EIF2AK4: variants seen among roughly 807,000 people sequenced by gnomAD.
EIF2AK4 encodes the protein eukaryotic translation initiation factor 2 alpha kinase 4.
A neutral mutation model predicts 211.1 loss-of-function variants in EIF2AK4; 139 were observed. The observed-to-expected ratio is 0.66, with a 90% CI of 0.57 to 0.76. The LOEUF (loss-of-function observed/expected upper bound fraction) is 0.76. Among genes scored for constraint, EIF2AK4 ranks in the 30% least tolerant of loss-of-function variants. The pLI is 0.00. For synonymous variants in EIF2AK4, 710 were observed against 751.3 expected (o/e 0.94, Z 0.90); for missense variants, 1,664 against 2,043.8 (o/e 0.81, Z 3.58).
intron 1 of EIF2AK4, among the ~76,000 whole-genome samples, chr15:39,937,844 C>T (rs2140895132): frequency 6.6e-6 from 1 of 152,322 alleles, no homozygotes; most frequent in Non-Finnish European, 1.5e-5. Flanking sequence ...GTGTCTTCCA[C>T]TCATTTGAAA....
At position 39,943,395 on chromosome 15, in the gene EIF2AK4, A is replaced by G; in HGVS notation, c.270A>G (p.Ile90Met). ...TTGCCTTTTCCAGAGTTCCTGAAAT[A>G]GAGTTAAAAAATGCCAAAGGTCTAT... is the stretch of plus-strand genomic sequence containing the variant. ...PPTYPDVVPE[I>M]ELKNAKGLSN... Residue 90 changes from isoleucine (I) to methionine (M), a missense_variant, in exon 3 of 39, where the codon ATA becomes ATG. By Grantham distance (10) the Ile-to-Met change is conservative. This residue lies in a region of EIF2AK4 where 641 missense variants were observed against 729.6 expected (regional missense o/e 0.88). Coordinates refer to ENST00000263791, the MANE Select transcript of EIF2AK4 (RefSeq NM_001013703.4). The G allele has an allele frequency of 6.7e-7, 1 of 1,493,842 alleles. No homozygotes were observed. The highest frequency in any genetic ancestry group is 1.5e-5 in the African/African-American group (1 of 66,378). 92.5% of individuals were successfully genotyped at this position (1,493,842 alleles called of 1,614,324 possible).
intron 20 of EIF2AK4, among the ~76,000 whole-genome samples, chr15:40,000,501 A>G (rs1426676517): frequency 6.6e-6 from 1 of 152,228 alleles, no homozygotes; most frequent in African/African-American, 2.4e-5. Flanking sequence ...CAGTAACATA[A>G]ATCAAGAGAA....
At chr15:39,970,305 A>C (rs2034605635) in intron 9 of EIF2AK4, among the ~76,000 whole-genome samples, 1 of 152,208 alleles carries the variant, frequency 6.6e-6, no homozygotes, top group Non-Finnish European at 1.5e-5. Context: ...AATACTGTGC[A>C]TTCTAGGTAG....
rs759973459 is a variant in EIF2AK4, at chr15:39,955,686, A to G, written c.661A>G (p.Arg221Gly). The part of the protein sequence containing the change: ...HTSKKDPGGH[R>G]TAAILHGGSP... ...CTCTAAGAAGGACCCAGGAGGACAC[A>G]GAACGGCTGCCATTCTACATGGAGG... is the stretch of plus-strand genomic sequence containing the variant. The change falls in exon 6 of 39, where the codon AGA (arginine) becomes GGA (glycine). Residue 221 changes from arginine to glycine, a missense_variant. By Grantham distance (125) the Arg-to-Gly change is moderately radical. This residue lies in a region of EIF2AK4 where 641 missense variants were observed against 729.6 expected (regional missense o/e 0.88). Coordinates refer to ENST00000263791, the MANE Select transcript of EIF2AK4 (RefSeq NM_001013703.4). 1.9e-6 allele frequency: 3 copies of G among 1,613,430 alleles called. No homozygotes were observed. Among genetic ancestry groups the G allele is most frequent in the Non-Finnish European group, 2.5e-6 (3 of 1,179,842 alleles).
chr15:40,000,636 T>C (rs1039704970), intron 20 of EIF2AK4, among the ~76,000 whole-genome samples: 13 of 152,244 alleles, frequency 8.5e-5, no homozygotes, highest in South Asian at 2.1e-4. Context: ...AAATTAGGCA[T>C]GTAAAGCTAT....
At chr15:39,955,084 T>G (rs1376460510) in intron 5 of EIF2AK4, among the ~76,000 whole-genome samples, 2 of 152,230 alleles carry the variant, frequency 1.3e-5, no homozygotes, top group African/African-American at 2.4e-5. Context: ...CCACCAGTGC[T>G]CCTGTCTTGC....
At chr15:39,978,018 C>T in intron 12 of EIF2AK4, 60 bp from the exon 13 acceptor site, 1 of 1,244,730 alleles carries the variant, frequency 8.0e-7, no homozygotes, top group Non-Finnish European at 1.2e-6. Flanking sequence ...TAAAAATGTC[C>T]ATGTTTATAA....
chr15:40,026,152 T>C, intron 33 of EIF2AK4, 63 bp downstream of exon 33: 1 of 1,447,506 alleles, frequency 6.9e-7, no homozygotes, highest in Non-Finnish European at 9.6e-7. Context: ...ACTACGTAAA[T>C]TTATTTTAAA....
chr15:39,964,537 G>A (rs2034516731), intron 7 of EIF2AK4, among the ~76,000 whole-genome samples: 1 of 152,020 alleles, frequency 6.6e-6, no homozygotes, highest in East Asian at 1.9e-4. Flanking sequence ...CAAAACAGCT[G>A]CCTACAACAA....
intron 22 of EIF2AK4, 53 bp from the exon 23 acceptor site, chr15:40,003,140 T>G: frequency 6.2e-7 from 1 of 1,603,628 alleles, no homozygotes; most frequent in East Asian, 2.2e-5. Flanking sequence ...TTAGGTTGCC[T>G]TCTAAGGAGA....
At chr15:39,934,419 A>T in intron 1 of EIF2AK4, 80 bp downstream of exon 1, 4 of 1,499,762 alleles carry the variant, frequency 2.7e-6, no homozygotes, top group Non-Finnish European at 3.6e-6. Flanking sequence ...ACACTTCCAG[A>T]TTGGGCCGCC....
Position 39,949,252 on chromosome 15 carries a change from G to A in EIF2AK4, c.497G>A (p.Arg166Gln), listed in dbSNP as rs201341737. ...CAGCAGAGGCTGTTGGAGGCCAAGC[G>A]GAAAGAAGAGCAGGAGGTGAGATGC... ...EEQQRLLEAK[R>Q]KEEQEQREIL... Residue 166 changes from arginine (R) to glutamine (Q), a missense_variant, in exon 4 of 39, where the codon CGG becomes CAG. Physicochemically the swap from Arg to Gln is conservative, Grantham distance 43. This residue lies in a region of EIF2AK4 where 641 missense variants were observed against 729.6 expected (regional missense o/e 0.88). Coordinates refer to ENST00000263791, the MANE Select transcript of EIF2AK4 (RefSeq NM_001013703.4). 194 of 1,613,850 alleles carry A rather than the reference G, an allele frequency of 1.2e-4. 1 individual carries two copies. In the South Asian group the frequency reaches 1.6e-3, roughly 13 times the overall value.
rs766332925 is a variant in EIF2AK4, at chr15:39,972,948, C to A, written c.1594C>A (p.Gln532Lys). ...TGACAAGGAAAGATGGAGTCCCCAG[C>A]AGTTGTTGAAACACAGCTTTATAAA... ...LDDKERWSPQ[Q>K]LLKHSFINPQ... The change falls in exon 10 of 39, where the codon CAG (glutamine) becomes AAG (lysine). Residue 532 changes from glutamine to lysine, a missense_variant. Physicochemically the swap from Gln to Lys is moderately conservative, Grantham distance 53. This residue lies in a region of EIF2AK4 where 641 missense variants were observed against 729.6 expected (regional missense o/e 0.88). Coordinates refer to ENST00000263791, the MANE Select transcript of EIF2AK4 (RefSeq NM_001013703.4). 6.2e-7 allele frequency: 1 copy of A among 1,614,020 alleles called. No individual in the cohort carries two copies. Among genetic ancestry groups the A allele is most frequent in the South Asian group, 1.1e-5 (1 of 91,074 alleles).
At chr15:40,000,677 A>G (rs142351321) in intron 20 of EIF2AK4, among the ~76,000 whole-genome samples, 301 of 152,228 alleles carry the variant, frequency 2.0e-3, no homozygotes, top group Non-Finnish European at 3.3e-3. Context: ...TTTTTATACG[A>G]TATTTTCTGT....
In EIF2AK4 at chr15:40,009,676, T is replaced by C. The variant is rs2035210751; in HGVS notation, c.3639T>C (p.Cys1213=). 1.2e-6 allele frequency: 2 copies of C among 1,610,684 alleles called. No homozygotes were observed. The highest frequency in any genetic ancestry group is 8.5e-7 in the Non-Finnish European group (1 of 1,178,588). Residue 1213 remains cysteine (C), a synonymous_variant, in exon 26 of 39, where the codon TGT becomes TGC. Coordinates refer to ENST00000263791, the MANE Select transcript of EIF2AK4 (RefSeq NM_001013703.4). ...TATTGAAAGCAATACTCTTACACTG[T>C]GGGATCCCAGAAGATAAACTCAGTC... ...TMLLKAILLH[C]GIPEDKLSQV... is the part of the protein sequence containing the mutation.
At chr15:40,009,539 G>T in intron 25 of EIF2AK4, 75 bp from the exon 26 acceptor site, 1 of 833,956 alleles carries the variant, frequency 1.2e-6, no homozygotes, top group Non-Finnish European at 1.9e-6. Context: ...ACAAATTGGT[G>T]GTAAGTTTCC....
chr15:39,996,426 C>T (rs1028974409), intron 18 of EIF2AK4, among the ~76,000 whole-genome samples: 19 of 152,158 alleles, frequency 1.2e-4, no homozygotes, highest in African/African-American at 4.3e-4. Flanking sequence ...CTAGGAAGGC[C>T]AGGCGTGTTG....
intron 3 of EIF2AK4, among the ~76,000 whole-genome samples, chr15:39,948,049 T>C (rs2034253862): frequency 6.6e-6 from 1 of 152,218 alleles, no homozygotes; most frequent in Non-Finnish European, 1.5e-5. Context: ...GACTGTAGAC[T>C]AGTGTTTCTG....
intron 25 of EIF2AK4, 120 bp downstream of exon 25, chr15:40,008,315 T>A (rs1387158924): frequency 6.6e-6 from 6 of 908,962 alleles, no homozygotes; most frequent in Non-Finnish European, 9.6e-6. Context: ...ATCACATCTT[T>A]ACTAAAGTAA....
Sources: gnomAD v4.1 joint callset for allele counts (sites outside exome capture counted in the v4.1 genomes callset) on GRCh38, gnomAD v4.1.1 for gene constraint, gnomAD v4.1.1 regional missense constraint, MANE v1.5 for transcripts, NCBI Gene and HGNC (gene_info 2026-07-23, HGNC 2026-07-21) for gene names.